The following FOXO1 variants were observed in gnomAD, a reference collection of about 807,000 sequenced individuals.
The protein encoded by FOXO1 is forkhead box protein O1.
In FOXO1, 6 loss-of-function variants were observed where a neutral mutation model predicts 44.1. The observed-to-expected ratio is 0.14, with a 90% CI of 0.07 to 0.27. The LOEUF (loss-of-function observed/expected upper bound fraction) is 0.27. Ranked by LOEUF, FOXO1 falls within the 10% of genes least tolerant of loss-of-function variation. FOXO1 has a pLI of 1.00. For synonymous variants in FOXO1, 380 were observed against 362.7 expected (o/e 1.05, Z -0.54); for missense variants, 737 against 888.8 (o/e 0.83, Z 2.17).
At chr13:40,659,126 C>G (rs1359073915) in intron 1 of FOXO1, among the ~76,000 whole-genome samples, 1 of 151,976 alleles carries the variant, frequency 6.6e-6, no homozygotes, top group African/African-American at 2.4e-5. Flanking sequence ...ACCAGCCTGA[C>G]CAACATGGTG....
At chr13:40,612,506 T>C (rs984559934) in intron 1 of FOXO1, among the ~76,000 whole-genome samples, 1 of 152,224 alleles carries the variant, frequency 6.6e-6, no homozygotes, top group African/African-American at 2.4e-5. Context: ...CACACGTGCG[T>C]TCGCAAGCAT....
intron 1 of FOXO1, chr13:40,620,128 C>A: frequency 7.7e-7 from 1 of 1,301,098 alleles, no homozygotes; most frequent in Non-Finnish European, 1.1e-6. Flanking sequence ...TGCATATACC[C>A]CATTCTCTAA....
chr13:40,664,922 CT>C (rs1169072891), intron 1 of FOXO1, among the ~76,000 whole-genome samples: 3 of 151,898 alleles, frequency 2.0e-5, no homozygotes, highest in African/African-American at 7.2e-5. Context: ...GTGGCCGCCC[CT>C]TCGCACGTGT....
intron 1 of FOXO1, among the ~76,000 whole-genome samples, chr13:40,634,101 C>T (rs895640762): frequency 3.3e-5 from 5 of 152,208 alleles, no homozygotes; most frequent in African/African-American, 1.2e-4. Context: ...AGTTCTTCAA[C>T]ATCAAACTGT....
Position 40,666,254 on chromosome 13 carries a change from G to C in FOXO1, c.-42C>G, listed in dbSNP as rs1037713119. 5.9e-6 allele frequency: 8 copies of C among 1,350,982 alleles called. No homozygotes were observed. The highest frequency in any genetic ancestry group is 1.7e-5 in the South Asian group (1 of 59,156). The allele number at this position is 1,350,982 out of a possible 1,614,324, so 83.7% of individuals were successfully genotyped here. On this transcript the variant is annotated 5_prime_UTR_variant, in exon 1 of 3. Transcript: ENST00000379561. Reference sequence around the variant, plus strand: ...CCCCCAGCCGCAGGAGAGCCAAGAGGGGGAGAACGCAGCACTGGGGGCGGA... The same window carrying C: ...CCCCCAGCCGCAGGAGAGCCAAGAGCGGGAGAACGCAGCACTGGGGGCGGA...
intron 1 of FOXO1, among the ~76,000 whole-genome samples, chr13:40,597,705 C>T (rs181974859): frequency 3.9e-5 from 6 of 152,302 alleles, no homozygotes; most frequent in Admixed American, 1.3e-4. Context: ...AGCCTTGGAA[C>T]GCTGCTGACT....
intron 1 of FOXO1, among the ~76,000 whole-genome samples, chr13:40,608,016 G>T (rs1431044206): frequency 1.4e-5 from 2 of 140,364 alleles, no homozygotes; most frequent in Non-Finnish European, 3.1e-5. Flanking sequence ...GTCTCTCATG[G>T]TGTGTTACAT....
At position 40,607,125 on chromosome 13, in the gene FOXO1, G is replaced by A. The variant is rs532208340; in HGVS notation, c.631-46265C>T. Among the ~76,000 whole-genome samples, 12 of 152,238 alleles carry A rather than the reference G, an allele frequency of 7.9e-5. No individual in the cohort carries two copies. The East Asian group carries it at 2.3e-3, about 29-fold the overall frequency. ...GACCAGACCCAGGTTTCTTCCAAGT[G>A]AGATCTCCCTATGTCTCCCACGTGG... is the stretch of plus-strand genomic sequence containing the variant. On this transcript the variant is annotated intron_variant, in intron 1 of 2. Transcript: ENST00000379561.
intron 1 of FOXO1, among the ~76,000 whole-genome samples, chr13:40,648,534 A>G (rs189221641): frequency 6.6e-6 from 1 of 152,354 alleles, no homozygotes; most frequent in East Asian, 1.9e-4. Flanking sequence ...AAGCATGTGC[A>G]TTCAACTATA....
chr13:40,560,463 A>G lies in FOXO1; in HGVS notation c.1028T>C (p.Val343Ala). Reference sequence around the variant, plus strand: ...AGATGGCGGGTACACCATAGAATGCACATCCCCTTCTCCAAGATCATCCTG... The same window carrying G: ...AGATGGCGGGTACACCATAGAATGCGCATCCCCTTCTCCAAGATCATCCTG... ...TEQDDLGEGD[V>A]HSMVYPPSAA... is the part of the protein sequence containing the mutation. The change falls in exon 2 of 3, where the codon GTG becomes GCG. Residue 343 changes from valine (V) to alanine (A), a missense_variant. Physicochemically the swap from Val to Ala is moderately conservative, Grantham distance 64. Around this residue, in one of 7 missense-constraint regions of FOXO1, gnomAD observed 136 missense variants for 186.4 expected, o/e 0.73. Transcript: ENST00000379561. This position sits in a 1 kb window ranked among gnomAD's most constrained non-coding sequence, Gnocchi z 5.1. 6.2e-7 allele frequency: 1 copy of G among 1,614,202 alleles called. No individual in the cohort carries two copies. The highest frequency in any genetic ancestry group is 8.5e-7 in the Non-Finnish European group (1 of 1,180,028).
Position 40,558,925 on chromosome 13 carries a change from T to TG in FOXO1, c.*123_*124insC, listed in dbSNP as rs1374574697. 2.4e-4 allele frequency: 86 copies of TG among 363,866 alleles called. No individual in the cohort carries two copies. Among genetic ancestry groups the TG allele is most frequent in the Admixed American group, 3.2e-4 (6 of 18,984 alleles). The allele number at this position is 363,866 out of a possible 1,614,324, so 22.5% of individuals were successfully genotyped here. A position where few individuals can be genotyped will look rare whatever the true frequency, so the allele number is the denominator to read the frequency against. The stretch of plus-strand genomic sequence containing the variant: ...AAGGAAAAAAGGAGGGTTTTTTTTT[T>TG]TGTTTTTTTTTTTAACCAAGAAAAC... On this transcript the variant is annotated 3_prime_UTR_variant, in exon 3 of 3. Coordinates refer to ENST00000379561, the MANE Select transcript of FOXO1 (RefSeq NM_002015.4).
At chr13:40,598,856 A>G (rs924352899) in intron 1 of FOXO1, among the ~76,000 whole-genome samples, 2 of 152,230 alleles carry the variant, frequency 1.3e-5, no homozygotes, top group African/African-American at 4.8e-5. Flanking sequence ...CCATCTCGCA[A>G]AATGGTTTAT....
intron 1 of FOXO1, among the ~76,000 whole-genome samples, chr13:40,567,780 C>T (rs147124075): frequency 4.7e-4 from 71 of 152,094 alleles, no homozygotes; most frequent in African/African-American, 1.6e-3. Context: ...CCAGCCTGGG[C>T]AATATGGTGA....
At chr13:40,583,004 T>C (rs545867465) in intron 1 of FOXO1, among the ~76,000 whole-genome samples, 25 of 152,338 alleles carry the variant, frequency 1.6e-4, no homozygotes, top group African/African-American at 4.8e-4. Context: ...TCTTAAATAA[T>C]AAGACTTGAA....
chr13:40,591,441 G>A (rs941598514), intron 1 of FOXO1, among the ~76,000 whole-genome samples: 3 of 152,144 alleles, frequency 2.0e-5, no homozygotes, highest in African/African-American at 4.8e-5. Flanking sequence ...TTGAGCAGCT[G>A]AAGGTCCAGA....
At chr13:40,561,512 C>G (rs940483586) in intron 1 of FOXO1, among the ~76,000 whole-genome samples, 3 of 152,080 alleles carry the variant, frequency 2.0e-5, no homozygotes, top group African/African-American at 7.2e-5. Context: ...CAATAGTACT[C>G]TGTATCAAAG....
intron 1 of FOXO1, among the ~76,000 whole-genome samples, chr13:40,577,139 G>A (rs1874782505): frequency 6.6e-6 from 1 of 151,958 alleles, no homozygotes; most frequent in Admixed American, 6.5e-5. Flanking sequence ...AGCTGCAGTG[G>A]CATCAGACTC....
chr13:40,640,702 G>A (rs1416833706), intron 1 of FOXO1, among the ~76,000 whole-genome samples: 1 of 152,194 alleles, frequency 6.6e-6, no homozygotes, highest in Non-Finnish European at 1.5e-5. Flanking sequence ...TGAAGCTTAA[G>A]CTCACCCCAA....
rs190636127 is a variant in FOXO1 at position 40,664,027 on chromosome 13, C to G, written c.630+1556G>C. Among the ~76,000 whole-genome samples, 290 of 152,370 alleles carry G rather than the reference C, an allele frequency of 1.9e-3. 1 individual carries two copies. Among genetic ancestry groups the G allele is most frequent in the African/African-American group, 6.8e-3 (282 of 41,572 alleles). The stretch of plus-strand genomic sequence containing the variant: ...CGGTGGCTCACGCCTGTAATCCCAG[C>G]ACTTTGGGAGGCCGAGGCGGGCCGA... On this transcript the variant is annotated intron_variant, in intron 1 of 2. Transcript: ENST00000379561.
Sources: allele counts gnomAD v4.1 joint callset (sites outside exome capture counted in the v4.1 genomes callset), GRCh38; gene constraint gnomAD v4.1.1; regional missense constraint gnomAD v4.1.1; non-coding constraint Gnocchi (gnomAD v3.1); transcripts MANE v1.5; gene names NCBI Gene and HGNC (gene_info 2026-07-23, HGNC 2026-07-21).